RNASEH1: variants seen among roughly 807,000 people sequenced by gnomAD.
RNASEH1 encodes the protein ribonuclease H1.
A neutral mutation model predicts 34.6 loss-of-function variants in RNASEH1; 27 were observed. The ratio of observed to expected loss-of-function variants is 0.78; its 90% confidence interval spans 0.58 to 1.08. RNASEH1 has a LOEUF of 1.08. Ranked by LOEUF, RNASEH1 falls within the 50% of genes least tolerant of loss-of-function variation. The probability of loss-of-function intolerance (pLI) is 0.00; values close to 1 mark genes in which losing one functional copy is unlikely to be tolerated. For synonymous variants in RNASEH1, 162 were observed against 138.4 expected (o/e 1.17, Z -1.20); for missense variants, 349 against 373.6 (o/e 0.93, Z 0.54).
chr2:3,550,957 C>T (rs1342954374), intron 3 of RNASEH1, among the ~76,000 whole-genome samples: 1 of 152,200 alleles, frequency 6.6e-6, no homozygotes, highest in African/African-American at 2.4e-5. Flanking sequence ...CCCGTCTTTG[C>T]TTCTTTCCCT....
chr2:3,546,625 A>C (rs1668780046), intron 7 of RNASEH1, among the ~76,000 whole-genome samples: 1 of 152,310 alleles, frequency 6.6e-6, no homozygotes, highest in East Asian at 1.9e-4. Flanking sequence ...ACAAAATATA[A>C]GGATTGTAGA....
rs570955978 is a variant in RNASEH1, at chr2:3,558,208, C to A, written c.53G>T (p.Cys18Phe). Residue 18 changes from cysteine (C) to phenylalanine (F), a missense_variant, in exon 1 of 8, where the codon TGC becomes TTC. This residue lies in a region of RNASEH1 where 256 missense variants were observed against 240.7 expected (regional missense o/e 1.06). Transcript: ENST00000315212. ...CCCGAACCCGCGAGAGCCGCGGCGGCAGGGCAAGGCGGCCAAGGCGACTCT... is the reference window on the plus strand; with the variant it reads ...CCCGAACCCGCGAGAGCCGCGGCGGAAGGGCAAGGCGGCCAAGGCGACTCT... ...AHRVALAALP[C>F]RRGSRGFGMF... 1.2e-6 allele frequency: 2 copies of A among 1,600,428 alleles called. No individual in the cohort carries two copies. The highest frequency in any genetic ancestry group is 2.2e-5 in the South Asian group (2 of 89,176).
chr2:3,535,987 G>C, the RNASEH1 span, among the ~76,000 whole-genome samples: 1 of 152,320 alleles, frequency 6.6e-6, no homozygotes, highest in East Asian at 1.9e-4. Context: ...TCCCGGCCAC[G>C]AGAGAGCCAG....
At chr2:3,556,963 T>C (rs146674255) in intron 1 of RNASEH1, 59 bp from the exon 2 acceptor site, 23 of 1,280,348 alleles carry the variant, frequency 1.8e-5, no homozygotes, top group African/African-American at 5.8e-5. Context: ...CCCTTTTTTA[T>C]TGAGATTCTT....
At chr2:3,539,257 A>G (rs1204934067), downstream of RNASEH1, among the ~76,000 whole-genome samples, 3 of 152,098 alleles carry the variant, frequency 2.0e-5, no homozygotes, top group African/African-American at 2.4e-5. Flanking sequence ...GAATCTGTGC[A>G]TATTTAGGTT....
intron 2 of RNASEH1, among the ~76,000 whole-genome samples, chr2:3,554,930 C>G (rs958807289): frequency 6.6e-6 from 1 of 152,204 alleles, no homozygotes; most frequent in African/African-American, 2.4e-5. Context: ...TCCATTCTCC[C>G]TTAACATCCC....
Position 3,557,984 on chromosome 2 carries a change from G to A in RNASEH1, c.128+149C>T, listed in dbSNP as rs887106827. The stretch of plus-strand genomic sequence containing the variant: ...CTCCTGGAACCCCGCCGGCCGAGCA[G>A]GAAAACGAGGCGGTCCCCCGACCAC... On this transcript the variant is annotated intron_variant, in intron 1 of 7. Coordinates refer to ENST00000315212, the MANE Select transcript of RNASEH1 (RefSeq NM_002936.6). 8 of 1,490,010 alleles carry A rather than the reference G, an allele frequency of 5.4e-6. No homozygotes were observed. The African/African-American group carries it at 9.9e-5, about 18-fold the overall frequency. 92.3% of individuals were successfully genotyped at this position (1,490,010 alleles called of 1,614,324 possible).
At chr2:3,537,724 AG>A (rs1242749942), downstream of RNASEH1, among the ~76,000 whole-genome samples, 1 of 151,962 alleles carries the variant, frequency 6.6e-6, no homozygotes, top group East Asian at 1.9e-4. Flanking sequence ...GTGTCTCAAA[AG>A]AAAAAAAAAA....
downstream of RNASEH1, among the ~76,000 whole-genome samples, chr2:3,537,528 G>A (rs776001736): frequency 5.3e-5 from 8 of 151,938 alleles, no homozygotes; most frequent in African/African-American, 1.5e-4. Flanking sequence ...TTGAAGACCC[G>A]CCTGGACAAC....
At chr2:3,533,810 G>A in the RNASEH1 span, 1 of 152,376 alleles carries the variant, frequency 6.6e-6, no homozygotes, top group South Asian at 2.1e-4. Flanking sequence ...ACAATGCAGG[G>A]TCCGTGAATG....
At chr2:3,534,059 C>T in the RNASEH1 span, 1 of 152,282 alleles carries the variant, frequency 6.6e-6, no homozygotes, top group Admixed American at 6.5e-5. Context: ...CCCATAAAAA[C>T]CCTGGACTCA....
At chr2:3,553,756 T>C (rs1163584822) in intron 2 of RNASEH1, among the ~76,000 whole-genome samples, 1 of 151,632 alleles carries the variant, frequency 6.6e-6, no homozygotes, top group African/African-American at 2.4e-5. Flanking sequence ...CACTGGGTAA[T>C]ACTATGGCAG....
rs1311907269 is a variant in RNASEH1, at chr2:3,550,362, G to A, written c.509+11C>T. The A allele has an allele frequency of 1.1e-5, 17 of 1,602,152 alleles. No individual in the cohort carries two copies. Among genetic ancestry groups the A allele is most frequent in the African/African-American group, 1.3e-5 (1 of 74,546 alleles). On this transcript the variant is annotated intron_variant, in intron 4 of 7. Coordinates refer to ENST00000315212, the MANE Select transcript of RNASEH1 (RefSeq NM_002936.6). Reference sequence around the variant, plus strand: ...ACATGATTCAGTAAAACTCAGCTTCGTTTAACTTACAAAGGATGGCCTGGC... The same window carrying A: ...ACATGATTCAGTAAAACTCAGCTTCATTTAACTTACAAAGGATGGCCTGGC...
At chr2:3,536,079 A>T in the RNASEH1 span, among the ~76,000 whole-genome samples, 1 of 152,228 alleles carries the variant, frequency 6.6e-6, no homozygotes, top group Non-Finnish European at 1.5e-5. Flanking sequence ...TAAAACAGAA[A>T]AAGAACATTG....
At chr2:3,556,941 C>T in intron 1 of RNASEH1, 37 bp from the exon 2 acceptor site, 1 of 1,437,420 alleles carries the variant, frequency 7.0e-7, no homozygotes, top group Non-Finnish European at 9.8e-7. Context: ...CTTCTTCCTT[C>T]TCTAACTTAT....
chr2:3,541,374 A>G (rs1003443785), downstream of RNASEH1, among the ~76,000 whole-genome samples: 1 of 152,058 alleles, frequency 6.6e-6, no homozygotes, highest in African/African-American at 2.4e-5. Context: ...CCATATGACC[A>G]AGCATTCCAT....
At chr2:3,557,910 C>T (rs1437235656) in intron 1 of RNASEH1, 4 of 1,521,080 alleles carry the variant, frequency 2.6e-6, no homozygotes, top group Non-Finnish European at 3.5e-6. Flanking sequence ...CGCGACGTTT[C>T]TGATATTTCA....
Position 3,552,178 on chromosome 2 carries a change from C to T in RNASEH1, c.375G>A (p.Ala125=), listed in dbSNP as rs771029707. Residue 125 remains alanine (A), a synonymous_variant, in exon 3 of 8, where the codon GCG becomes GCA. Coordinates refer to ENST00000315212, the MANE Select transcript of RNASEH1 (RefSeq NM_002936.6). ...AAAACGTGTCTCTGCTAACTGGAGG[C>T]GCCGGCTCCACGCTCGGCTTCATGT... ...AKHMKPSVEP[A]PPVSRDTFSY... 1.1e-5 allele frequency: 17 copies of T among 1,611,646 alleles called. No individual in the cohort carries two copies. The highest frequency in any genetic ancestry group is 2.2e-5 in the East Asian group (1 of 44,808).
At chr2:3,556,009 A>T (rs1660456930) in intron 2 of RNASEH1, among the ~76,000 whole-genome samples, 1 of 151,560 alleles carries the variant, frequency 6.6e-6, no homozygotes, top group Admixed American at 6.6e-5. Context: ...CATCTCTACT[A>T]AAAAAAATAC....
Sources: allele counts gnomAD v4.1 joint callset (sites outside exome capture counted in the v4.1 genomes callset), GRCh38; gene constraint gnomAD v4.1.1; regional missense constraint gnomAD v4.1.1; transcripts MANE v1.5; gene names NCBI Gene and HGNC (gene_info 2026-07-23, HGNC 2026-07-21).